TP53AIP1: variants seen among roughly 807,000 people sequenced by gnomAD.
TP53AIP1 encodes tumor protein p53 regulated apoptosis inducing protein 1.
A neutral mutation model predicts 9.5 loss-of-function variants in TP53AIP1; 14 were observed. That is an observed-to-expected ratio of 1.47 (90% CI 0.97 to 2.30). The LOEUF (loss-of-function observed/expected upper bound fraction) is 2.30, where lower values mean the gene tolerates loss of function less well. TP53AIP1 is among the 30% of genes most tolerant of loss of function. The pLI is 0.00. For synonymous variants in TP53AIP1, 73 were observed against 61.2 expected, an observed-to-expected ratio of 1.19 and a Z score of -0.90; for missense variants, 153 against 146.7, an observed-to-expected ratio of 1.04 and a Z score of -0.22.
rs765651433 is a variant in TP53AIP1, at chr11:128,936,661, T to A, written c.142-12A>T. ...AAGGGATCTGAAACCTGAGAGGAAA[T>A]GGAAGCAGACTGTGAGGCCCTGCAG... On this transcript the variant is annotated splice_polypyrimidine_tract_variant and intron_variant, in intron 2 of 3. Coordinates refer to ENST00000531399, the MANE Select transcript of TP53AIP1 (RefSeq NM_022112.3). 3.5e-5 allele frequency: 55 copies of A among 1,571,374 alleles called. 1 individual carries two copies. In the Middle Eastern group the frequency reaches 6.6e-4, roughly 19 times the overall value.
chr11:128,936,909 C>A, intron 2 of TP53AIP1: 1 of 1,244,640 alleles, frequency 8.0e-7, no homozygotes. Flanking sequence ...AGACATAAAC[C>A]GGCGCTTCCT....
rs1020202820 is a variant in TP53AIP1, at chr11:128,939,700, ACTGTGGCT to A, written c.-76-1814_-76-1807del. Among the ~76,000 whole-genome samples, 7 of 152,208 alleles carry A rather than the reference ACTGTGGCT, an allele frequency of 4.6e-5. No individual in the cohort carries two copies. The highest frequency in any genetic ancestry group is 1.7e-4 in the African/African-American group (7 of 41,442). On this transcript the variant is annotated intron_variant, in intron 1 of 3. Transcript: ENST00000531399. The surrounding 1 kb of genome is among the most constrained non-coding windows in gnomAD (Gnocchi z 4.1). ...CACAACCCATCTTAATGCAAGAGGG[ACTGTGGCT>A]CTTCTGGAAACACGATGCCTCGGTG...
rs755040730 is a variant in TP53AIP1 at position 128,935,637 on chromosome 11, A to G, written c.329T>C (p.Phe110Ser). ...TTTTTTCTGATCATAGCTGAGCTCA[A>G]ATGCTGACCCCAGTGGCCTGTCTCT... ...VLRDRPLGSA[F>S]ELSYDQKKAP... The change falls in exon 4 of 4, where the codon TTT (phenylalanine) becomes TCT (serine). Residue 110 changes from phenylalanine (F) to serine (S), a missense_variant. By Grantham distance (155) the Phe-to-Ser change is radical (BLOSUM62 -2). Transcript: ENST00000531399. 1.5e-5 allele frequency: 24 copies of G among 1,586,338 alleles called. No homozygotes were observed. In the Admixed American group the frequency reaches 3.9e-4, roughly 26 times the overall value.
At chr11:128,942,401 C>A (rs1565333394) in intron 1 of TP53AIP1, among the ~76,000 whole-genome samples, 1 of 152,214 alleles carries the variant, frequency 6.6e-6, no homozygotes, top group South Asian at 2.1e-4. Context: ...CAGGTCTGAG[C>A]CCCAGCTCAG....
intron 3 of TP53AIP1, 146 bp downstream of exon 3, chr11:128,936,392 G>A (rs890457482): frequency 7.0e-7 from 1 of 1,420,290 alleles, no homozygotes; most frequent in Non-Finnish European, 9.1e-7. Flanking sequence ...ACTCTGCCAT[G>A]ATGTCATTTT....
Position 128,939,694 on chromosome 11 carries a change from A to G in TP53AIP1, c.-76-1800T>C, listed in dbSNP as rs1474504955. Among the ~76,000 whole-genome samples the G allele has an allele frequency of 6.6e-6, 1 of 152,324 alleles. No homozygotes were observed. The highest frequency in any genetic ancestry group is 1.5e-5 in the Non-Finnish European group (1 of 68,028). ...GTCCGTCACAACCCATCTTAATGCAAGAGGGACTGTGGCTCTTCTGGAAAC... is the reference window on the plus strand; with the variant it reads ...GTCCGTCACAACCCATCTTAATGCAGGAGGGACTGTGGCTCTTCTGGAAAC... On this transcript the variant is annotated intron_variant, in intron 1 of 3. Transcript: ENST00000531399. The surrounding 1 kb of genome is among the most constrained non-coding windows in gnomAD (Gnocchi z 4.1).
chr11:128,941,274 C>A (rs149518730), intron 1 of TP53AIP1, among the ~76,000 whole-genome samples: 1 of 152,152 alleles, frequency 6.6e-6, no homozygotes, highest in South Asian at 2.1e-4. Flanking sequence ...TCTCCACCTG[C>A]GACGTGTTTC....
In TP53AIP1 at chr11:128,937,295, C is replaced by T. The variant is rs1398757138; in HGVS notation, c.141+383G>A. ...AAGAGCAGGCCCGGAGCCCTGCACCCCAGCCTTCCCTCCCCATGCGCTCCA... is the reference window on the plus strand; with the variant it reads ...AAGAGCAGGCCCGGAGCCCTGCACCTCAGCCTTCCCTCCCCATGCGCTCCA... On this transcript the variant is annotated intron_variant, in intron 2 of 3. Transcript: ENST00000531399. This position sits in a 1 kb window ranked among gnomAD's most constrained non-coding sequence, Gnocchi z 4.8. The T allele has an allele frequency of 3.7e-6, 5 of 1,358,252 alleles. No homozygotes were observed. The highest frequency in any genetic ancestry group is 4.7e-6 in the Non-Finnish European group (5 of 1,059,066). The allele number at this position is 1,358,252 out of a possible 1,614,324, so 84.1% of individuals were successfully genotyped here.
chr11:128,937,454 A>G lies in TP53AIP1; in HGVS notation c.141+224T>C. The G allele has an allele frequency of 6.7e-7, 1 of 1,501,476 alleles. No homozygotes were observed. Among genetic ancestry groups the G allele is most frequent in the Non-Finnish European group, 8.9e-7 (1 of 1,124,874 alleles). 93.0% of individuals were successfully genotyped at this position (1,501,476 alleles called of 1,614,324 possible). On this transcript the variant is annotated intron_variant, in intron 2 of 3. Transcript: ENST00000531399. The surrounding 1 kb of genome is among the most constrained non-coding windows in gnomAD (Gnocchi z 4.8). ...GAAACCCAGGATTCCGAGGAGGAGG[A>G]GGGCTGGCCTTCCTCTTGGGACTAT... is the stretch of plus-strand genomic sequence containing the variant.
rs941420908 is a variant in TP53AIP1, at chr11:128,939,478, G to A, written c.-76-1584C>T. On this transcript the variant is annotated intron_variant, in intron 1 of 3. Transcript: ENST00000531399. This position sits in a 1 kb window ranked among gnomAD's most constrained non-coding sequence, Gnocchi z 4.1. ...AGTTTGAGCTGGTGCCTACACCTCCGTCTTCCAGCCACTGAAAACAGGATT... is the reference window on the plus strand; with the variant it reads ...AGTTTGAGCTGGTGCCTACACCTCCATCTTCCAGCCACTGAAAACAGGATT... 3.9e-5 allele frequency among the ~76,000 whole-genome samples: 6 copies of A among 152,168 alleles called. No individual in the cohort carries two copies. The highest frequency in any genetic ancestry group is 1.5e-5 in the Non-Finnish European group (1 of 68,036).
Position 128,936,593 on chromosome 11 carries a change from T to G in TP53AIP1, c.198A>C (p.Glu66Asp). 6.3e-7 allele frequency: 1 copy of G among 1,588,814 alleles called. No homozygotes were observed. The highest frequency in any genetic ancestry group is 8.5e-7 in the Non-Finnish European group (1 of 1,175,548). Residue 66 changes from glutamate (E) to aspartate (D), a missense_variant, in exon 3 of 4, where the codon GAA (glutamate) becomes GAC (aspartate). By Grantham distance (45) the Glu-to-Asp change is conservative (BLOSUM62 2). Coordinates refer to ENST00000531399, the MANE Select transcript of TP53AIP1 (RefSeq NM_022112.3). ...AAGATCCAGACGAGACTGACAGAGC[T>G]TCTATTCCCCGGCACCCTCCGTGAA... The part of the protein sequence containing the change: ...AQVHGGCRGI[E>D]ALSVSSGSWS...
rs1260936672 is a variant in TP53AIP1, at chr11:128,937,857, C to A, written c.-39G>T. The A allele has an allele frequency of 6.4e-7, 1 of 1,568,554 alleles. No homozygotes were observed. The highest frequency in any genetic ancestry group is 2.2e-5 in the East Asian group (1 of 44,446). On this transcript the variant is annotated 5_prime_UTR_variant, in exon 2 of 4. Coordinates refer to ENST00000531399, the MANE Select transcript of TP53AIP1 (RefSeq NM_022112.3). The surrounding 1 kb of genome is among the most constrained non-coding windows in gnomAD (Gnocchi z 4.8). ...TGTCTGCAGAAAGCAGAGAACTTGGCTTCTCCTCATTTGTTGTTAGGGCCA... is the reference window on the plus strand; with the variant it reads ...TGTCTGCAGAAAGCAGAGAACTTGGATTCTCCTCATTTGTTGTTAGGGCCA...
At chr11:128,941,081 G>A (rs930160792) in intron 1 of TP53AIP1, among the ~76,000 whole-genome samples, 6 of 152,238 alleles carry the variant, frequency 3.9e-5, no homozygotes, top group African/African-American at 1.2e-4. Context: ...GGAGAGCCAG[G>A]CTGGCATTAG....
At chr11:128,935,103 C>T (rs144866898), downstream of TP53AIP1, 3 of 709,554 alleles carry the variant, frequency 4.2e-6, no homozygotes, top group Non-Finnish European at 7.7e-6. Context: ...AGGAACGTGT[C>T]AGCAGGAATG....
intron 1 of TP53AIP1, among the ~76,000 whole-genome samples, chr11:128,940,119 C>A (rs1184113923): frequency 1.3e-5 from 2 of 152,196 alleles, no homozygotes; most frequent in African/African-American, 4.8e-5. Flanking sequence ...GAGAGGGAAC[C>A]AACTTGCCCT....
rs1565328782 is a variant in TP53AIP1 at position 128,935,476 on chromosome 11, C to G, written c.*115G>C. The G allele has an allele frequency of 4.8e-6, 7 of 1,446,544 alleles. No individual in the cohort carries two copies. The highest frequency in any genetic ancestry group is 6.3e-6 in the Non-Finnish European group (7 of 1,105,008). The allele number at this position is 1,446,544 out of a possible 1,614,324, so 89.6% of individuals were successfully genotyped here. A position where few individuals can be genotyped will look rare whatever the true frequency, so the allele number is the denominator to read the frequency against. The stretch of plus-strand genomic sequence containing the variant: ...GTCAAGGGGGGAAATGAGGTGGCCG[C>G]TAGTCAGCGCTGGAGCCATTTCTCG... On this transcript the variant is annotated 3_prime_UTR_variant, in exon 4 of 4. Transcript: ENST00000531399.
intron 1 of TP53AIP1, among the ~76,000 whole-genome samples, chr11:128,938,377 G>A (rs1366854195): frequency 6.6e-6 from 1 of 152,168 alleles, no homozygotes; most frequent in East Asian, 1.9e-4. Flanking sequence ...TCCGTGTGGA[G>A]TCAGACGGAT....
intron 1 of TP53AIP1, among the ~76,000 whole-genome samples, chr11:128,938,095 A>C (rs1296480891): frequency 6.6e-6 from 1 of 151,692 alleles, no homozygotes; most frequent in African/African-American, 2.4e-5. Context: ...ATTTGTGCTG[A>C]ATTTGGGGAA....
intron 3 of TP53AIP1, 193 bp downstream of exon 3, chr11:128,936,345 T>G (rs1944823379): frequency 2.9e-6 from 4 of 1,383,450 alleles, no homozygotes; most frequent in Non-Finnish European, 3.7e-6. Context: ...TATTTTAATT[T>G]GAGAAATTAA....
Sources: gnomAD v4.1 joint callset for allele counts (sites outside exome capture counted in the v4.1 genomes callset) on GRCh38, gnomAD v4.1.1 for gene constraint, Gnocchi (gnomAD v3.1) non-coding constraint, MANE v1.5 for transcripts, NCBI Gene and HGNC (gene_info 2026-07-23, HGNC 2026-07-21) for gene names.